Variants in NKAIN3 observed in about 807,000 individuals in gnomAD.
The protein encoded by NKAIN3 is sodium/potassium transporting ATPase interacting 3.
In NKAIN3, 25 loss-of-function variants were observed where a neutral mutation model predicts 30.2. That is an observed-to-expected ratio of 0.83 (90% confidence interval 0.60 to 1.16). NKAIN3 has a LOEUF of 1.16. Among genes scored for constraint, NKAIN3 ranks in the 50% most tolerant of loss-of-function variants. The pLI, the probability that NKAIN3 is intolerant of heterozygous loss-of-function variation, is 0.00. For synonymous variants in NKAIN3, 91 were observed against 89.6 expected, an observed-to-expected ratio of 1.02 and a Z score of -0.09; for missense variants, 225 against 254.1, an observed-to-expected ratio of 0.89 and a Z score of 0.78.
chr8:62,650,954 C>G (rs1199221296), intron 3 of NKAIN3, among the ~76,000 whole-genome samples: 2 of 151,940 alleles, frequency 1.3e-5, no homozygotes, highest in Non-Finnish European at 2.9e-5. Flanking sequence ...ATATAAATTT[C>G]TATTGCAAGA....
rs148523812 is a variant in NKAIN3 at position 62,318,348 on chromosome 8, G to A, written c.54+69221G>A. On this transcript the variant is annotated intron_variant, in intron 1 of 6. Transcript: ENST00000623646. ...CCAACGTCCTATGTTGAATAGGAGTGGTGAGAGGGCATCCCTGTCTTGTGC... is the reference window on the plus strand; with the variant it reads ...CCAACGTCCTATGTTGAATAGGAGTAGTGAGAGGGCATCCCTGTCTTGTGC... Among the ~76,000 whole-genome samples, 1,364 of 152,246 alleles carry A rather than the reference G, an allele frequency of 9.0e-3. 29 individuals carry two copies. Among genetic ancestry groups the A allele is most frequent in the African/African-American group, 0.031 (1,288 of 41,532 alleles).
chr8:62,631,609 G>T (rs1242934226), intron 3 of NKAIN3, among the ~76,000 whole-genome samples: 2 of 152,116 alleles, frequency 1.3e-5, no homozygotes, highest in Non-Finnish European at 2.9e-5. Context: ...CACTTCTCAT[G>T]TTAACCTTCT....
At chr8:62,733,364 G>A (rs1418887652) in intron 3 of NKAIN3, among the ~76,000 whole-genome samples, 1 of 152,122 alleles carries the variant, frequency 6.6e-6, no homozygotes, top group Non-Finnish European at 1.5e-5. Context: ...GTGGTAAATA[G>A]TCTAGATTTT....
chr8:62,921,417 C>G (rs546468389), intron 5 of NKAIN3, among the ~76,000 whole-genome samples: 1 of 152,318 alleles, frequency 6.6e-6, no homozygotes, highest in South Asian at 2.1e-4. Flanking sequence ...TACCACTTCT[C>G]TCCTCTGCAC....
chr8:62,475,844 T>C (rs2129600331), intron 1 of NKAIN3, among the ~76,000 whole-genome samples: 1 of 152,300 alleles, frequency 6.6e-6, no homozygotes, highest in South Asian at 2.1e-4. Flanking sequence ...CTAACTAATA[T>C]GAAGCACAGT....
chr8:62,796,889 C>T (rs1817879915), intron 4 of NKAIN3, among the ~76,000 whole-genome samples: 1 of 151,804 alleles, frequency 6.6e-6, no homozygotes, highest in African/African-American at 2.4e-5. Context: ...ATTAGCACTT[C>T]AAGTGTGATT....
At chr8:62,761,245 T>G (rs1280248932) in intron 4 of NKAIN3, among the ~76,000 whole-genome samples, 1 of 152,186 alleles carries the variant, frequency 6.6e-6, no homozygotes, top group Non-Finnish European at 1.5e-5. Context: ...AAAACTGTGC[T>G]GCAAAGTAAT....
chr8:62,478,662 C>T (rs914299715), intron 1 of NKAIN3, among the ~76,000 whole-genome samples: 5 of 152,100 alleles, frequency 3.3e-5, no homozygotes. Context: ...CTTTGTGCTT[C>T]TTAACCTGAT....
rs868098869 is a variant in NKAIN3, at chr8:62,456,192, G to A, written c.55-123347G>A. ...AACTAAAACCACAGAAAGCAAAACT[G>A]TGGATAAGCAGGAACTACAGTACTA... is the stretch of plus-strand genomic sequence containing the variant. On this transcript the variant is annotated intron_variant, in intron 1 of 6. Coordinates refer to ENST00000623646, the MANE Select transcript of NKAIN3 (RefSeq NM_001304533.3). 1.8e-4 allele frequency among the ~76,000 whole-genome samples: 28 copies of A among 152,176 alleles called. 1 individual carries two copies. The highest frequency in any genetic ancestry group is 6.3e-3 in the Middle Eastern group (2 of 316).
chr8:62,587,312 T>C (rs1810507386), intron 2 of NKAIN3, among the ~76,000 whole-genome samples: 1 of 152,000 alleles, frequency 6.6e-6, no homozygotes, highest in African/African-American at 2.4e-5. Context: ...AGAAGAAACT[T>C]GTAATGTAAA....
intron 3 of NKAIN3, among the ~76,000 whole-genome samples, chr8:62,616,836 G>A (rs535460632): frequency 1.1e-4 from 17 of 152,104 alleles, no homozygotes; most frequent in African/African-American, 2.2e-4. Flanking sequence ...AAATAAACTC[G>A]GCAATATAGT....
intron 1 of NKAIN3, among the ~76,000 whole-genome samples, chr8:62,423,047 T>G (rs937789183): frequency 6.6e-6 from 1 of 152,064 alleles, no homozygotes; most frequent in Non-Finnish European, 1.5e-5. Flanking sequence ...ACAGTGGTTT[T>G]TCCATTTTCA....
chr8:62,685,104 C>T (rs1028967360), intron 3 of NKAIN3, among the ~76,000 whole-genome samples: 4 of 151,936 alleles, frequency 2.6e-5, no homozygotes, highest in African/African-American at 9.7e-5. Context: ...TGTACAGGCT[C>T]TTACCTGCAG....
intron 1 of NKAIN3, among the ~76,000 whole-genome samples, chr8:62,506,786 G>C (rs189437168): frequency 6.4e-4 from 97 of 152,036 alleles, no homozygotes; most frequent in African/African-American, 2.2e-3. Flanking sequence ...TACTGCTTTT[G>C]TAAGGTTAGA....
At chr8:62,358,189 G>T (rs1816420984) in intron 1 of NKAIN3, among the ~76,000 whole-genome samples, 1 of 144,628 alleles carries the variant, frequency 6.9e-6, no homozygotes, top group Non-Finnish European at 1.5e-5. Context: ...TTACCAAGAA[G>T]TACTTACATT....
At chr8:62,912,518 C>T (rs773350499) in intron 4 of NKAIN3, among the ~76,000 whole-genome samples, 8 of 152,146 alleles carry the variant, frequency 5.3e-5, no homozygotes, top group Non-Finnish European at 7.4e-5. Flanking sequence ...ACAAACACAT[C>T]GACCTTCTGC....
At chr8:62,713,862 G>A (rs1450308742) in intron 3 of NKAIN3, among the ~76,000 whole-genome samples, 3 of 152,096 alleles carry the variant, frequency 2.0e-5, no homozygotes, top group Non-Finnish European at 4.4e-5. Context: ...AAAGCTAATT[G>A]TAATGTATTT....
intron 3 of NKAIN3, among the ~76,000 whole-genome samples, chr8:62,681,499 G>C (rs1158718693): frequency 1.3e-5 from 2 of 152,042 alleles, no homozygotes; most frequent in African/African-American, 2.4e-5. Flanking sequence ...TCAGATTGTG[G>C]TTTACCAGTA....
intron 1 of NKAIN3, among the ~76,000 whole-genome samples, chr8:62,527,616 G>T: frequency 6.6e-6 from 1 of 152,050 alleles, no homozygotes; most frequent in East Asian, 1.9e-4. Flanking sequence ...TCCTATATTT[G>T]AAATATAAAG....
Sources: gnomAD v4.1 joint callset for allele counts (sites outside exome capture counted in the v4.1 genomes callset) on GRCh38, gnomAD v4.1.1 for gene constraint, MANE v1.5 for transcripts, NCBI Gene and HGNC (gene_info 2026-07-23, HGNC 2026-07-21) for gene names.